The following CMC4 variants were observed in gnomAD, a reference collection of about 807,000 sequenced individuals.
CMC4 encodes C-X9-C motif containing 4.
CMC4 carries 4 observed loss-of-function variants against 5.1 expected under a neutral mutation model. The observed-to-expected ratio is 0.78, with a 90% CI of 0.38 to 1.78. CMC4 has a LOEUF of 1.78. Ranked by LOEUF, CMC4 falls within the 40% of genes most tolerant of loss-of-function variation. The pLI is 0.04. For missense variants in CMC4, 52 were observed against 51.3 expected, an observed-to-expected ratio of 1.01 and a Z score of -0.04; for synonymous variants, 23 against 18.9, an observed-to-expected ratio of 1.22 and a Z score of -0.57.
chrX:155,065,474 A>G lies in CMC4; in HGVS notation c.-10-1441T>C, dbSNP rs1557291938. The G allele has an allele frequency of 3.3e-6, 4 of 1,200,666 alleles. No homozygotes were observed. The Admixed American group carries it at 6.5e-5, about 20-fold the overall frequency. ...AAGAGGGGGAGGACAGAGGAGAAAT[A>G]GAAATACATACCAGGTTAGTCATCA... On this transcript the variant is annotated intron_variant, in intron 1 of 2. Transcript: ENST00000369484.
chrX:155,065,646 G>A (rs782669108), intron 1 of CMC4: 9 of 1,209,855 alleles, frequency 7.4e-6, no homozygotes, highest in Non-Finnish European at 1.1e-6. Flanking sequence ...TCTGCCACAA[G>A]CGAGAGTTGT....
Position 155,061,957 on chromosome X carries a change from G to C in CMC4, c.93C>G (p.Val31=), listed in dbSNP as rs2073929852. Residue 31 remains valine (V), a synonymous_variant, in exon 3 of 3, where the codon GTC becomes GTG. Coordinates refer to ENST00000369484, the MANE Select transcript of CMC4 (RefSeq NM_001018024.3). ...CACAACACTTACGCAGTTCTTGGAT[G>C]ACAGCCTGACACTTTGATTCCATGT... is the stretch of plus-strand genomic sequence containing the variant. The part of the protein sequence containing the change: ...NSYMESKCQA[V]IQELRKCCAQ... 1 of 1,209,035 alleles carries C rather than the reference G, an allele frequency of 8.3e-7. No homozygotes were observed. The highest frequency in any genetic ancestry group is 1.8e-5 in the South Asian group (1 of 56,515).
intron 1 of CMC4, among the ~76,000 whole-genome samples, chrX:155,067,289 C>T (rs2073952627): frequency 8.9e-6 from 1 of 111,992 alleles, no homozygotes; most frequent in Non-Finnish European, 1.9e-5. Context: ...ATTTCAAACT[C>T]GTCTAAACTT....
rs2073929729 is a variant in CMC4, at chrX:155,061,939, C to T, written c.111G>A (p.Lys37=). ...KCQAVIQELR[K]CCAQYPKGRS... Reference sequence around the variant, plus strand: ...TTCCCTTGGGATACTGAGCACAACACTTACGCAGTTCTTGGATGACAGCCT... The same window carrying T: ...TTCCCTTGGGATACTGAGCACAACATTTACGCAGTTCTTGGATGACAGCCT... Residue 37 remains lysine (K), a synonymous_variant, in exon 3 of 3, where the codon AAG becomes AAA. Coordinates refer to ENST00000369484, the MANE Select transcript of CMC4 (RefSeq NM_001018024.3). 7 of 1,209,646 alleles carry T rather than the reference C, an allele frequency of 5.8e-6. No individual in the cohort carries two copies. Among genetic ancestry groups the T allele is most frequent in the Non-Finnish European group, 7.8e-6 (7 of 894,995 alleles).
intron 1 of CMC4, chrX:155,065,575 C>T (rs1444832534): frequency 1.6e-5 from 19 of 1,206,089 alleles, no homozygotes; most frequent in Non-Finnish European, 2.0e-5. Flanking sequence ...TACTCTGTTA[C>T]GAGAGTCCCA....
chrX:155,065,794 T>C (rs199738529), intron 1 of CMC4: 2 of 1,207,667 alleles, frequency 1.7e-6, no homozygotes, highest in Non-Finnish European at 2.2e-6. Context: ...CGTCTCCTAA[T>C]GGAAAGGAAT....
intron 1 of CMC4, among the ~76,000 whole-genome samples, chrX:155,068,766 T>C (rs1287608067): frequency 8.9e-6 from 1 of 112,507 alleles, no homozygotes; most frequent in African/African-American, 3.2e-5. Flanking sequence ...CCAAATTTAT[T>C]TGACTAGAGA....
intron 1 of CMC4, chrX:155,065,365 G>T (rs1311508573): frequency 9.1e-6 from 6 of 659,863 alleles, no homozygotes; most frequent in Non-Finnish European, 1.4e-5. Flanking sequence ...ATACTGAACA[G>T]AACAAAGGAG....
chrX:155,062,381 T>C (rs2073931577), intron 2 of CMC4, among the ~76,000 whole-genome samples: 1 of 112,161 alleles, frequency 8.9e-6, no homozygotes, highest in African/African-American at 3.2e-5. Flanking sequence ...ACTAAGGCTG[T>C]GCATCAGGAA....
chrX:155,065,544 G>GA, intron 1 of CMC4: 1 of 1,211,060 alleles, frequency 8.3e-7, no homozygotes, highest in Non-Finnish European at 1.1e-6. Flanking sequence ...TGACCTGTCA[G>GA]AAAAAGAAAA....
At chrX:155,062,067 C>T in intron 2 of CMC4, 76 bp from the exon 3 acceptor site, 2 of 945,600 alleles carry the variant, frequency 2.1e-6, no homozygotes, top group Non-Finnish European at 2.8e-6. Flanking sequence ...CAGTGCTTCC[C>T]ACCCCTTTTC....
Position 155,061,853 on chromosome X carries a change from G to T in CMC4, c.197C>A (p.Ala66Glu), listed in dbSNP as rs1557291631. The change falls in exon 3 of 3, where the codon GCA becomes GAA. Residue 66 changes from alanine (A) to glutamate (E), a missense_variant. Transcript: ENST00000369484. The stretch of plus-strand genomic sequence containing the variant: ...CACTTCAGAAGAACTTTACTTTGAT[G>T]CAGACTTCCGTGTTAGGTTTTCTTC... ...EEEENLTRKS[A>E]SK 27 of 1,207,238 alleles carry T rather than the reference G, an allele frequency of 2.2e-5. No individual in the cohort carries two copies. The highest frequency in any genetic ancestry group is 2.9e-5 in the Non-Finnish European group (26 of 893,440).
In CMC4 at chrX:155,062,094, G is replaced by C. The variant is rs189141111; in HGVS notation, c.59-103C>G. The C allele has an allele frequency of 5.0e-6, 4 of 802,916 alleles. No individual in the cohort carries two copies. In the Admixed American group the frequency reaches 1.5e-4, roughly 31 times the overall value. The allele number at this position is 802,916 out of a possible 1,213,427, so 66.2% of individuals were successfully genotyped here. A position where few individuals can be genotyped will look rare whatever the true frequency, so the allele number is the denominator to read the frequency against. On this transcript the variant is annotated intron_variant, in intron 2 of 2. Coordinates refer to ENST00000369484, the MANE Select transcript of CMC4 (RefSeq NM_001018024.3). Reference sequence around the variant, plus strand: ...CCCCTTTTCACTTTCAGTACCTATGGAACTGGAAGAAAGAAGATATACCAA... The same window carrying C: ...CCCCTTTTCACTTTCAGTACCTATGCAACTGGAAGAAAGAAGATATACCAA...
rs201019014 is a variant in CMC4 at position 155,066,535 on chromosome X, A to G, written c.-10-2502T>C. On this transcript the variant is annotated intron_variant, in intron 1 of 2. Transcript: ENST00000369484. ...TTTAAAAGGTAAGATTCTGAAGGACATATATGCATGTCTTTCAGAGTTGAA... is the reference window on the plus strand; with the variant it reads ...TTTAAAAGGTAAGATTCTGAAGGACGTATATGCATGTCTTTCAGAGTTGAA... Among the ~76,000 whole-genome samples the G allele has an allele frequency of 3.5e-5, 4 of 112,769 alleles. No individual in the cohort carries two copies. The East Asian group carries it at 1.1e-3, about 31-fold the overall frequency.
rs1356730642 is a variant in CMC4, at chrX:155,071,112, C to G, written c.-429G>C. On this transcript the variant is annotated 5_prime_UTR_variant, in exon 1 of 3. Coordinates refer to ENST00000369484, the MANE Select transcript of CMC4 (RefSeq NM_001018024.3). ...GGTACTCGGGAGGCGCCTGCCCAGGCGCCCGGGCGCCGCTCACAGAGTACG... is the reference window on the plus strand; with the variant it reads ...GGTACTCGGGAGGCGCCTGCCCAGGGGCCCGGGCGCCGCTCACAGAGTACG... The G allele has an allele frequency of 9.0e-6, 1 of 110,534 alleles. No homozygotes were observed. Among genetic ancestry groups the G allele is most frequent in the African/African-American group, 3.3e-5 (1 of 30,698 alleles). 9.1% of individuals were successfully genotyped at this position (110,534 alleles called of 1,213,427 possible). A position where few individuals can be genotyped will look rare whatever the true frequency, so the allele number is the denominator to read the frequency against.
chrX:155,062,644 G>C (rs1201168172), intron 2 of CMC4, among the ~76,000 whole-genome samples: 1 of 111,772 alleles, frequency 8.9e-6, no homozygotes, highest in Non-Finnish European at 1.9e-5. Context: ...CAGTTAATGA[G>C]TCCCCCAGTA....
chrX:155,065,464 G>A (rs2073944708), intron 1 of CMC4: 2 of 1,193,856 alleles, frequency 1.7e-6, no homozygotes, highest in Non-Finnish European at 2.3e-6. Context: ...GGGGAGGACA[G>A]AGGAGAAATA....
intron 2 of CMC4, among the ~76,000 whole-genome samples, chrX:155,062,339 A>G (rs1030619775): frequency 5.6e-4 from 63 of 112,052 alleles, no homozygotes; most frequent in African/African-American, 2.0e-3. Context: ...ATTATTTTGC[A>G]TACAGTTTAA....
chrX:155,066,100 TTGAA>T, intron 1 of CMC4: 2 of 665,111 alleles, frequency 3.0e-6, no homozygotes, highest in East Asian at 3.3e-5. Flanking sequence ...CTTTTTGGGT[TTGAA>T]TGAACTCACC....
Sources: gnomAD v4.1 joint callset for allele counts (sites outside exome capture counted in the v4.1 genomes callset) on GRCh38, gnomAD v4.1.1 for gene constraint, MANE v1.5 for transcripts, NCBI Gene and HGNC (gene_info 2026-07-23, HGNC 2026-07-21) for gene names.